Variants in FAM120A observed in about 807,000 individuals in gnomAD.
FAM120A encodes family with sequence similarity 120 member A, also known as constitutive coactivator of PPAR-gamma-like protein 1.
A neutral mutation model predicts 109.7 loss-of-function variants in FAM120A; 15 were observed. That is an observed-to-expected ratio of 0.14 (90% CI 0.09 to 0.21). FAM120A has a LOEUF of 0.21. Ranked by LOEUF, FAM120A falls within the 10% of genes least tolerant of loss-of-function variation. The pLI, the probability that FAM120A is intolerant of heterozygous loss-of-function variation, is 1.00. For synonymous variants in FAM120A, 493 were observed against 572.8 expected, an observed-to-expected ratio of 0.86 and a Z score of 1.99; for missense variants, 899 against 1,439.3, an observed-to-expected ratio of 0.62 and a Z score of 6.07.
At chr9:93,503,851 A>G (rs1859910670) in intron 5 of FAM120A, among the ~76,000 whole-genome samples, 2 of 152,062 alleles carry the variant, frequency 1.3e-5, no homozygotes, top group Admixed American at 1.3e-4. Context: ...ATATATATAT[A>G]TATTTTAAAG....
chr9:93,484,550 A>G (rs1858951751), intron 3 of FAM120A, among the ~76,000 whole-genome samples: 1 of 152,170 alleles, frequency 6.6e-6, no homozygotes, highest in Non-Finnish European at 1.5e-5. Context: ...AAGCTCAGCA[A>G]TAGTGTCTTT....
Position 93,498,253 on chromosome 9 carries a change from C to T in FAM120A, c.934-537C>T, listed in dbSNP as rs1270888022. Among the ~76,000 whole-genome samples the T allele has an allele frequency of 6.6e-6, 1 of 152,136 alleles. No individual in the cohort carries two copies. Among genetic ancestry groups the T allele is most frequent in the Non-Finnish European group, 1.5e-5 (1 of 68,016 alleles). On this transcript the variant is annotated intron_variant, in intron 4 of 17. Coordinates refer to ENST00000277165, the MANE Select transcript of FAM120A (RefSeq NM_014612.5). The surrounding 1 kb of genome is among the most constrained non-coding windows in gnomAD (Gnocchi z 4.4). ...ATTAAAAATACAAAAATTAGCCAGG[C>T]GTGGTGGTGGGCGCCTGTAATGCCA...
At chr9:93,505,655 G>T (rs1860018716) in intron 5 of FAM120A, among the ~76,000 whole-genome samples, 1 of 152,222 alleles carries the variant, frequency 6.6e-6, no homozygotes, top group African/African-American at 2.4e-5. Context: ...AAGGGTGGAA[G>T]TGCAGATGAC....
chr9:93,564,223 A>C lies in FAM120A; in HGVS notation c.3046-6A>C. 6.3e-7 allele frequency: 1 copy of C among 1,595,768 alleles called. No individual in the cohort carries two copies. Among genetic ancestry groups the C allele is most frequent in the Admixed American group, 1.7e-5 (1 of 59,156 alleles). On this transcript the variant is annotated splice_region_variant and splice_polypyrimidine_tract_variant and intron_variant, in intron 17 of 17. Coordinates refer to ENST00000277165, the MANE Select transcript of FAM120A (RefSeq NM_014612.5). ...CTTCTCATTTGTTGTCCTTCATTTT[A>C]AACAGGGCAGACCTCCTTATGCTGC...
chr9:93,530,476 C>G (rs1209041849), intron 9 of FAM120A: 4 of 152,152 alleles, frequency 2.6e-5, no homozygotes, highest in African/African-American at 4.8e-5. Flanking sequence ...ATAATGAACT[C>G]CTGTTCTCAA....
intron 3 of FAM120A, among the ~76,000 whole-genome samples, chr9:93,496,771 G>T (rs1859594120): frequency 1.3e-5 from 2 of 152,260 alleles, no homozygotes; most frequent in Non-Finnish European, 2.9e-5. Context: ...TCATTGTCCT[G>T]CCTACCGCAA....
At chr9:93,524,584 C>G (rs552410980) in intron 7 of FAM120A, among the ~76,000 whole-genome samples, 1 of 152,314 alleles carries the variant, frequency 6.6e-6, no homozygotes, top group African/African-American at 2.4e-5. Flanking sequence ...CCAGAGTCAC[C>G]CTTTCTGTTG....
In FAM120A at chr9:93,540,311, G is replaced by A. The variant is rs547089346; in HGVS notation, c.1910-2911G>A. Among the ~76,000 whole-genome samples the A allele has an allele frequency of 1.0e-3, 156 of 152,338 alleles. 2 individuals carry two copies. Among genetic ancestry groups the A allele is most frequent in the Admixed American group, 8.1e-3 (124 of 15,310 alleles). Reference sequence around the variant, plus strand: ...AGATCTCTAACTATTAGAGATGAGCGCCTTTGCTTCTGGAGCAAGCCTTTG... The same window carrying A: ...AGATCTCTAACTATTAGAGATGAGCACCTTTGCTTCTGGAGCAAGCCTTTG... On this transcript the variant is annotated intron_variant, in intron 10 of 17. Transcript: ENST00000277165.
chr9:93,562,144 A>G, intron 16 of FAM120A, 64 bp from the exon 17 acceptor site: 1 of 1,285,286 alleles, frequency 7.8e-7, no homozygotes. Context: ...ATCATTTGAT[A>G]CTATTTTAAA....
chr9:93,507,218 G>C (rs1442552378), intron 5 of FAM120A, among the ~76,000 whole-genome samples: 3 of 152,070 alleles, frequency 2.0e-5, no homozygotes, highest in Admixed American at 2.0e-4. Context: ...TCTGTGGGAG[G>C]CAGGAGTGCT....
rs1331349041 is a variant in FAM120A, at chr9:93,498,392, C to T, written c.934-398C>T. On this transcript the variant is annotated intron_variant, in intron 4 of 17. Transcript: ENST00000277165. The surrounding 1 kb of genome is among the most constrained non-coding windows in gnomAD (Gnocchi z 4.4). Reference sequence around the variant, plus strand: ...TGGGTGAAAGAGCGAAACTCCGTCTCAGAAGAAAAAGAGAGAGCTGAAACC... The same window carrying T: ...TGGGTGAAAGAGCGAAACTCCGTCTTAGAAGAAAAAGAGAGAGCTGAAACC... Among the ~76,000 whole-genome samples the T allele has an allele frequency of 6.6e-6, 1 of 152,144 alleles. No homozygotes were observed. Among genetic ancestry groups the T allele is most frequent in the African/African-American group, 2.4e-5 (1 of 41,432 alleles).
intron 11 of FAM120A, among the ~76,000 whole-genome samples, chr9:93,547,305 G>A (rs1383751458): frequency 3.9e-5 from 6 of 152,226 alleles, no homozygotes; most frequent in African/African-American, 1.4e-4. Flanking sequence ...AGTAAATACA[G>A]TAACAGGGAT....
intron 13 of FAM120A, 32 bp downstream of exon 13, chr9:93,556,623 C>G: frequency 1.3e-6 from 2 of 1,583,800 alleles, no homozygotes; most frequent in Non-Finnish European, 8.7e-7. Context: ...CTGCCTTTAA[C>G]TGCAATGAAA....
intron 5 of FAM120A, among the ~76,000 whole-genome samples, chr9:93,504,728 T>C (rs1432577890): frequency 1.3e-5 from 2 of 152,290 alleles, no homozygotes; most frequent in Admixed American, 1.3e-4. Context: ...CTGCTTGCCA[T>C]GATGGATAGC....
chr9:93,557,828 C>G lies in FAM120A; in HGVS notation c.2486C>G (p.Ala829Gly), dbSNP rs368773418. The change falls in exon 14 of 18, where the codon GCT becomes GGT. Residue 829 changes from alanine (A) to glycine (G), a missense_variant and splice_region_variant. Ala to Gly is a moderately conservative substitution (Grantham distance 60). Transcript: ENST00000277165. ...TPLIDLCDGQ[A>G]DQAAKVEKMR... ...CACATGCTGGTCCTTGTCTTCCAGG[C>G]TGATCAGGCTGCCAAGGTAGAGAAG... 1 of 1,612,654 alleles carries G rather than the reference C, an allele frequency of 6.2e-7. No individual in the cohort carries two copies. Among genetic ancestry groups the G allele is most frequent in the Admixed American group, 1.7e-5 (1 of 59,932 alleles).
intron 13 of FAM120A, 84 bp from the exon 14 acceptor site, chr9:93,557,743 A>C: frequency 7.6e-7 from 1 of 1,319,292 alleles, no homozygotes; most frequent in Non-Finnish European, 1.0e-6. Context: ...TATAGTTGAT[A>C]GATCTTATTT....
chr9:93,526,564 T>C (rs1352488395), intron 7 of FAM120A, among the ~76,000 whole-genome samples: 1 of 152,098 alleles, frequency 6.6e-6, no homozygotes, highest in Non-Finnish European at 1.5e-5. Context: ...TAAGTTCCCA[T>C]GAACTCCCTG....
intron 10 of FAM120A, among the ~76,000 whole-genome samples, chr9:93,538,677 T>G (rs1312871446): frequency 6.6e-6 from 1 of 152,222 alleles, no homozygotes; most frequent in Non-Finnish European, 1.5e-5. Context: ...GCACTGAGCT[T>G]AGAGACATAC....
At chr9:93,530,332 A>G (rs933804318) in intron 9 of FAM120A, 1 of 152,384 alleles carries the variant, frequency 6.6e-6, no homozygotes. Context: ...CAGTTACTAG[A>G]TTAATCCTGC....
Sources: gnomAD v4.1 joint callset for allele counts (sites outside exome capture counted in the v4.1 genomes callset) on GRCh38, gnomAD v4.1.1 for gene constraint, Gnocchi (gnomAD v3.1) non-coding constraint, MANE v1.5 for transcripts, NCBI Gene and HGNC (gene_info 2026-07-23, HGNC 2026-07-21) for gene names.